Variants in MOB3B observed in about 807,000 individuals in gnomAD.
MOB3B encodes MOB kinase activator 3B, also known as MOB kinase activator-like 2B.
Under a neutral mutation model 18.7 loss-of-function variants are expected in MOB3B, and 7 were observed. That is an observed-to-expected ratio of 0.37 (90% CI 0.21 to 0.70). MOB3B has a LOEUF of 0.70. MOB3B is among the 30% of genes least tolerant of loss of function. MOB3B has a pLI of 0.52. For synonymous variants in MOB3B, 111 were observed against 99.9 expected, an observed-to-expected ratio of 1.11 and a Z score of -0.66; for missense variants, 253 against 281.3, an observed-to-expected ratio of 0.90 and a Z score of 0.72.
At chr9:27,513,191 A>G (rs1820172035) in intron 1 of MOB3B, among the ~76,000 whole-genome samples, 1 of 152,196 alleles carries the variant, frequency 6.6e-6, no homozygotes, top group Non-Finnish European at 1.5e-5. Flanking sequence ...TGGTGATCAC[A>G]GATATTAACC....
At chr9:27,373,126 G>A (rs1365562342) in intron 2 of MOB3B, among the ~76,000 whole-genome samples, 1 of 152,200 alleles carries the variant, frequency 6.6e-6, no homozygotes, top group Non-Finnish European at 1.5e-5. Context: ...TGTCTTTACT[G>A]TTATGCTCTG....
chr9:27,524,150 TAAAA>T (rs3081119), intron 1 of MOB3B, among the ~76,000 whole-genome samples: 113 of 90,238 alleles, frequency 1.3e-3, no homozygotes, highest in African/African-American at 4.7e-3. Context: ...TCACCCGAAG[TAAAA>T]AAAAAAAAAA....
intron 3 of MOB3B, among the ~76,000 whole-genome samples, chr9:27,350,647 A>G (rs556170851): frequency 1.3e-5 from 2 of 152,312 alleles, no homozygotes; most frequent in South Asian, 4.1e-4. Context: ...AATTCATTGG[A>G]AATAATCATG....
intron 2 of MOB3B, among the ~76,000 whole-genome samples, chr9:27,395,829 C>A (rs1821789664): frequency 3.3e-5 from 5 of 151,612 alleles, no homozygotes; most frequent in Admixed American, 6.6e-5. Context: ...TTCTGTTGCT[C>A]CTCAGTGGCA....
intron 2 of MOB3B, among the ~76,000 whole-genome samples, chr9:27,403,957 T>C (rs1027428762): frequency 3.3e-5 from 5 of 152,224 alleles, no homozygotes; most frequent in African/African-American, 7.2e-5. Flanking sequence ...TCCACTCTTT[T>C]AGTTATTTTG....
chr9:27,524,799 C>G (rs1215835495), intron 1 of MOB3B: 1 of 1,613,964 alleles, frequency 6.2e-7, no homozygotes, highest in Non-Finnish European at 8.5e-7. Flanking sequence ...AGCCAGGGTC[C>G]CCCAGCTGAG....
Position 27,357,888 on chromosome 9 carries a change from C to CAAAAAAAAAAAAAAAAAAAAAAAAAAA in MOB3B, c.621+1119_621+1145dup, listed in dbSNP as rs58851638. ...TCAACATAATGAGATCCCATCGCTA[C>CAAAAAAAAAAAAAAAAAAAAAAAAAAA]AAAAAAAAAAAAAAAAAAAAAAAAA... is the stretch of plus-strand genomic sequence containing the variant. On this transcript the variant is annotated intron_variant, in intron 3 of 3. Coordinates refer to ENST00000262244, the MANE Select transcript of MOB3B (RefSeq NM_024761.5). 5.9e-4 allele frequency among the ~76,000 whole-genome samples: 34 copies of CAAAAAAAAAAAAAAAAAAAAAAAAAAA among 57,960 alleles called. 3 individuals are homozygous for CAAAAAAAAAAAAAAAAAAAAAAAAAAA. The highest frequency in any genetic ancestry group is 7.6e-4 in the Non-Finnish European group (24 of 31,468). The allele number at this position is 57,960 out of a possible 152,430, so 38.0% of individuals were successfully genotyped here. A position where few individuals can be genotyped will look rare whatever the true frequency, so the allele number is the denominator to read the frequency against.
At chr9:27,524,337 A>G in intron 1 of MOB3B, 1 of 1,604,094 alleles carries the variant, frequency 6.2e-7, no homozygotes. Context: ...TGCAAAAAAA[A>G]TGAGCACCAA....
chr9:27,490,832 C>T (rs1287736114), intron 1 of MOB3B, among the ~76,000 whole-genome samples: 1 of 151,922 alleles, frequency 6.6e-6, no homozygotes, highest in Admixed American at 6.6e-5. Context: ...TAATAAATAC[C>T]ATCGATGCTG....
At chr9:27,361,740 G>A (rs919254089) in intron 2 of MOB3B, among the ~76,000 whole-genome samples, 2 of 152,222 alleles carry the variant, frequency 1.3e-5, no homozygotes, top group Non-Finnish European at 2.9e-5. Flanking sequence ...ACCCAGCGGG[G>A]AAATAGTAGA....
intron 2 of MOB3B, among the ~76,000 whole-genome samples, chr9:27,367,462 C>T (rs761899302): frequency 3.3e-5 from 5 of 152,232 alleles, no homozygotes; most frequent in Non-Finnish European, 7.3e-5. Flanking sequence ...GGTGAAACGC[C>T]TGGCTCTGGC....
intron 3 of MOB3B, among the ~76,000 whole-genome samples, chr9:27,344,564 C>T (rs751592738): frequency 2.6e-5 from 4 of 152,172 alleles, no homozygotes; most frequent in Non-Finnish European, 5.9e-5. Flanking sequence ...CAAAGGCTGT[C>T]GTAGCCGTCA....
At chr9:27,528,511 GC>G (rs1481130647) in intron 1 of MOB3B, among the ~76,000 whole-genome samples, 1 of 152,212 alleles carries the variant, frequency 6.6e-6, no homozygotes, top group African/African-American at 2.4e-5. Flanking sequence ...CTTTCCCTCC[GC>G]CCTCTAACCA....
intron 1 of MOB3B, among the ~76,000 whole-genome samples, chr9:27,506,161 C>T (rs1299341824): frequency 6.6e-6 from 1 of 152,192 alleles, no homozygotes; most frequent in Non-Finnish European, 1.5e-5. Context: ...TCTTGGGAAC[C>T]ACTGGAAGTC....
intron 2 of MOB3B, among the ~76,000 whole-genome samples, chr9:27,438,101 G>A (rs931537780): frequency 7.2e-5 from 11 of 152,188 alleles, no homozygotes; most frequent in African/African-American, 2.7e-4. Flanking sequence ...TTAGAAGCTG[G>A]ATTCACAGAT....
In MOB3B at chr9:27,401,820, T is replaced by A. The variant is rs1821885586; in HGVS notation, c.419-42584A>T. On this transcript the variant is annotated intron_variant, in intron 2 of 3. Coordinates refer to ENST00000262244, the MANE Select transcript of MOB3B (RefSeq NM_024761.5). ...GGCAAACATACTGATCTGTCTCCTA[T>A]CTGAAATCAGATTTTGAAACATGAG... Among the ~76,000 whole-genome samples the A allele has an allele frequency of 2.6e-5, 4 of 152,252 alleles. No homozygotes were observed. The South Asian group carries it at 8.3e-4, about 31-fold the overall frequency.
chr9:27,482,346 TAC>T (rs1819673380), intron 1 of MOB3B, among the ~76,000 whole-genome samples: 1 of 152,184 alleles, frequency 6.6e-6, no homozygotes, highest in South Asian at 2.1e-4. Context: ...CAGGTCTGCT[TAC>T]ACCAAGTCTC....
At position 27,455,542 on chromosome 9, in the gene MOB3B, T is replaced by C. The variant is rs767376313; in HGVS notation, c.9A>G (p.Ile3Met). ...CCTTGTTGAATACCTGCTTCAGGGC[T>C]ATGGACATGGTCTTCTCTTTCGCTT... MS[I>M]ALKQVFNKDK... Residue 3 changes from isoleucine to methionine, a missense_variant, in exon 2 of 4, where the codon ATA (isoleucine) becomes ATG (methionine). By Grantham distance (10) the Ile-to-Met change is conservative. Transcript: ENST00000262244. The C allele has an allele frequency of 9.9e-6, 16 of 1,614,208 alleles. No individual in the cohort carries two copies. The East Asian group carries it at 3.6e-4, about 36-fold the overall frequency.
intron 1 of MOB3B, among the ~76,000 whole-genome samples, chr9:27,480,819 AAG>A (rs1392686031): frequency 6.6e-6 from 1 of 152,268 alleles, no homozygotes; most frequent in Non-Finnish European, 1.5e-5. Context: ...ATATGAAAAA[AAG>A]AAGGAATTTT....
Sources: gnomAD v4.1 joint callset for allele counts (sites outside exome capture counted in the v4.1 genomes callset) on GRCh38, gnomAD v4.1.1 for gene constraint, MANE v1.5 for transcripts, NCBI Gene and HGNC (gene_info 2026-07-23, HGNC 2026-07-21) for gene names.